CELF4: variants seen among roughly 807,000 people sequenced by gnomAD.
CELF4 encodes the protein CUG-BP- and ETR-3-like factor 4.
Under a neutral mutation model 59.9 loss-of-function variants are expected in CELF4, and 18 were observed. That is an observed-to-expected ratio of 0.30 (90% CI 0.21 to 0.45). The LOEUF is 0.45. Ranked by LOEUF, CELF4 falls within the 20% of genes least tolerant of loss-of-function variation. The pLI, the probability that CELF4 is intolerant of heterozygous loss-of-function variation, is 1.00. For synonymous variants in CELF4, 261 were observed against 267.1 expected (o/e 0.98, Z 0.22); for missense variants, 456 against 689.0 (o/e 0.66, Z 3.79).
At chr18:37,357,845 C>T (rs2098626606) in intron 2 of CELF4, among the ~76,000 whole-genome samples, 1 of 152,214 alleles carries the variant, frequency 6.6e-6, no homozygotes, top group African/African-American at 2.4e-5. Context: ...GACTGTCCCA[C>T]TGGATTTCGG....
At chr18:37,289,438 A>G (rs1786080) in intron 3 of CELF4, among the ~76,000 whole-genome samples, 79,665 of 151,874 alleles carry the variant, frequency 0.52, 22,046 homozygotes, top group African/African-American at 0.7. Flanking sequence ...TCTCCAGGGG[A>G]TTCTGGGGAT....
At chr18:37,487,198 C>T (rs1454283769) in intron 1 of CELF4, among the ~76,000 whole-genome samples, 1 of 152,204 alleles carries the variant, frequency 6.6e-6, no homozygotes, top group African/African-American at 2.4e-5. Context: ...TTCCACCAAC[C>T]AGCCTGTACC....
intron 1 of CELF4, among the ~76,000 whole-genome samples, chr18:37,537,545 A>G (rs1193348158): frequency 6.6e-6 from 1 of 152,140 alleles, no homozygotes; most frequent in Non-Finnish European, 1.5e-5. Flanking sequence ...GCCTCTGCAA[A>G]AGGACATGAA....
chr18:37,312,110 C>CAAAA (rs59872500), intron 3 of CELF4, among the ~76,000 whole-genome samples: 25 of 50,674 alleles, frequency 4.9e-4, no homozygotes, highest in Non-Finnish European at 6.8e-4. Flanking sequence ...GATTCCGTCT[C>CAAAA]AAAAAAAAAA....
At chr18:37,367,847 C>T (rs2098805992) in intron 2 of CELF4, among the ~76,000 whole-genome samples, 1 of 152,180 alleles carries the variant, frequency 6.6e-6, no homozygotes, top group Admixed American at 6.5e-5. Context: ...TCTCCTAACG[C>T]TGCTGCGTTG....
At chr18:37,532,179 G>A (rs2154605099) in intron 1 of CELF4, among the ~76,000 whole-genome samples, 1 of 152,298 alleles carries the variant, frequency 6.6e-6, no homozygotes, top group African/African-American at 2.4e-5. Context: ...GCTGATCTTT[G>A]CATTTCACAA....
At chr18:37,367,949 G>A (rs1466725834) in intron 2 of CELF4, among the ~76,000 whole-genome samples, 1 of 152,038 alleles carries the variant, frequency 6.6e-6, no homozygotes, top group Non-Finnish European at 1.5e-5. Flanking sequence ...CCATCTTCCA[G>A]CAGAGTCAGG....
intron 2 of CELF4, among the ~76,000 whole-genome samples, chr18:37,462,888 A>C (rs1279439224): frequency 6.6e-6 from 1 of 151,886 alleles, no homozygotes; most frequent in African/African-American, 2.4e-5. Context: ...TCTTCTTCCA[A>C]TGTGGCCCAG....
intron 10 of CELF4, among the ~76,000 whole-genome samples, chr18:37,261,267 A>G (rs1341290931): frequency 2.3e-5 from 1 of 43,458 alleles, no homozygotes; most frequent in East Asian, 6.1e-4. Context: ...TCCTCCTCCC[A>G]TCCTCACTCT....
At chr18:37,285,726 C>A (rs1156898733) in intron 3 of CELF4, among the ~76,000 whole-genome samples, 1 of 152,208 alleles carries the variant, frequency 6.6e-6, no homozygotes, top group Non-Finnish European at 1.5e-5. Context: ...GAGTTTGAGT[C>A]AGGCCTTTCT....
At chr18:37,558,605 G>A (rs2154606191) in intron 1 of CELF4, among the ~76,000 whole-genome samples, 1 of 151,858 alleles carries the variant, frequency 6.6e-6, no homozygotes, top group South Asian at 2.1e-4. Context: ...TGTTTGGGTA[G>A]GACTGGATGC....
At chr18:37,340,037 C>T (rs1458618411) in intron 2 of CELF4, among the ~76,000 whole-genome samples, 1 of 152,226 alleles carries the variant, frequency 6.6e-6, no homozygotes. Flanking sequence ...CCCTTTCCTC[C>T]TTAACAGCCT....
At chr18:37,289,537 C>T (rs2095158233) in intron 3 of CELF4, among the ~76,000 whole-genome samples, 1 of 151,986 alleles carries the variant, frequency 6.6e-6, no homozygotes, top group African/African-American at 2.4e-5. Context: ...GCTAGTACGC[C>T]CCAGCTCGTC....
chr18:37,340,465 A>G (rs1393770410), intron 2 of CELF4, among the ~76,000 whole-genome samples: 1 of 152,206 alleles, frequency 6.6e-6, no homozygotes, highest in East Asian at 1.9e-4. Flanking sequence ...TGAATTGGGG[A>G]TGAGCCTGGG....
intron 3 of CELF4, among the ~76,000 whole-genome samples, chr18:37,313,323 G>A (rs1006838018): frequency 3.9e-5 from 6 of 152,194 alleles, no homozygotes; most frequent in Admixed American, 3.9e-4. Flanking sequence ...TCCTGCCTGG[G>A]CCGAGGGCTT....
intron 11 of CELF4, among the ~76,000 whole-genome samples, chr18:37,258,826 C>T (rs2072085048): frequency 6.6e-6 from 1 of 152,154 alleles, no homozygotes; most frequent in African/African-American, 2.4e-5. Context: ...GCCCCTCCTA[C>T]CCCTGTCAAG....
At chr18:37,416,179 C>CATCA (rs2099526234) in intron 2 of CELF4, among the ~76,000 whole-genome samples, 2 of 506 alleles carry the variant, frequency 4.0e-3, no homozygotes, top group Admixed American at 0.11. Flanking sequence ...CATTTGAGGT[C>CATCA]ATCCATCCAT....
At chr18:37,390,198 C>T (rs916722237) in intron 2 of CELF4, among the ~76,000 whole-genome samples, 1 of 152,182 alleles carries the variant, frequency 6.6e-6, no homozygotes, top group African/African-American at 2.4e-5. Context: ...TGGGAGCCTG[C>T]AGCGTGGGTT....
In CELF4 at chr18:37,435,495, TTC is replaced by T. The variant is rs144228700; in HGVS notation, c.369+50028_369+50029del. 1.7e-4 allele frequency among the ~76,000 whole-genome samples: 26 copies of T among 152,260 alleles called. No homozygotes were observed. The East Asian group carries it at 4.6e-3, about 27-fold the overall frequency. On this transcript the variant is annotated intron_variant, in intron 2 of 12. Transcript: ENST00000420428. ...GCTTCAGCTCTCTTGACCACTGAGT[TTC>T]TCTCTCTTGCTTAGGGTCTCTGATC...
Sources: allele counts gnomAD v4.1 joint callset (sites outside exome capture counted in the v4.1 genomes callset), GRCh38; gene constraint gnomAD v4.1.1; transcripts MANE v1.5; gene names NCBI Gene and HGNC (gene_info 2026-07-23, HGNC 2026-07-21).